Variants in LARGE1 observed in about 807,000 individuals in gnomAD.
LARGE1 encodes the protein LARGE xylosyl- and glucuronyltransferase 1.
A neutral mutation model predicts 87.6 loss-of-function variants in LARGE1; 43 were observed. That is an observed-to-expected ratio of 0.49 (90% confidence interval 0.38 to 0.63). LARGE1 has a LOEUF of 0.63. Among genes scored for constraint, LARGE1 ranks in the 30% least tolerant of loss-of-function variants. The pLI is 0.00. For synonymous variants in LARGE1, 434 were observed against 394.6 expected, an observed-to-expected ratio of 1.10 and a Z score of -1.18; for missense variants, 802 against 1,000.2, an observed-to-expected ratio of 0.80 and a Z score of 2.67.
chr22:33,555,586 A>G (rs2077651557), intron 6 of LARGE1, among the ~76,000 whole-genome samples: 1 of 152,112 alleles, frequency 6.6e-6, no homozygotes, highest in South Asian at 2.1e-4. Context: ...AGGTACAGGA[A>G]CATCAGAGCA....
chr22:33,678,077 T>C (rs772815340), intron 2 of LARGE1, among the ~76,000 whole-genome samples: 40 of 152,178 alleles, frequency 2.6e-4, no homozygotes, highest in Non-Finnish European at 4.9e-4. Context: ...AAAAACGCAT[T>C]TGTAAAATTT....
chr22:33,704,388 T>C (rs2082496812), intron 2 of LARGE1, among the ~76,000 whole-genome samples: 1 of 152,272 alleles, frequency 6.6e-6, no homozygotes, highest in East Asian at 1.9e-4. Context: ...AAGACCTCGT[T>C]CAAATGTCCC....
intron 11 of LARGE1, among the ~76,000 whole-genome samples, chr22:33,174,966 T>C (rs1922783889): frequency 6.6e-6 from 1 of 152,136 alleles, no homozygotes; most frequent in Admixed American, 6.5e-5. Flanking sequence ...GAGGGAATCC[T>C]CCCTAACTCA....
intron 10 of LARGE1, among the ~76,000 whole-genome samples, chr22:33,321,646 A>T (rs1936723717): frequency 6.6e-6 from 1 of 152,180 alleles, no homozygotes; most frequent in Admixed American, 6.5e-5. Context: ...GACAGTGGAA[A>T]TGTGTGTGAT....
intron 5 of LARGE1, among the ~76,000 whole-genome samples, chr22:33,574,981 G>A (rs544375762): frequency 6.0e-4 from 91 of 152,218 alleles, no homozygotes; most frequent in African/African-American, 2.0e-3. Flanking sequence ...AAGATTAACA[G>A]AAGGCAGCTG....
chr22:33,125,256 A>G, the LARGE1 span, among the ~76,000 whole-genome samples: 1 of 152,148 alleles, frequency 6.6e-6, no homozygotes, highest in African/African-American at 2.4e-5. Flanking sequence ...ATGTGGAGTT[A>G]CTGACACAGG....
chr22:33,577,483 T>C (rs1313387109), intron 5 of LARGE1, among the ~76,000 whole-genome samples: 1 of 152,228 alleles, frequency 6.6e-6, no homozygotes. Flanking sequence ...AACACACTTC[T>C]CTGTTGTCAA....
At chr22:33,536,621 C>T (rs2077051523) in intron 6 of LARGE1, among the ~76,000 whole-genome samples, 2 of 152,250 alleles carry the variant, frequency 1.3e-5, no homozygotes, top group South Asian at 4.1e-4. Flanking sequence ...TAAATTTGGC[C>T]TTATGATGCG....
chr22:33,920,523 G>A (rs1178826295), upstream of LARGE1: 3 of 145,150 alleles, frequency 2.1e-5, no homozygotes, highest in African/African-American at 7.4e-5. Flanking sequence ...GGCTGCAACC[G>A]GCCGCGGCGC....
intron 11 of LARGE1, among the ~76,000 whole-genome samples, chr22:33,258,397 G>A (rs1327196394): frequency 6.6e-6 from 1 of 152,144 alleles, no homozygotes; most frequent in Non-Finnish European, 1.5e-5. Flanking sequence ...GAGGTTGCTG[G>A]GTAAAGGAGC....
chr22:33,157,218 A>C, the LARGE1 span, among the ~76,000 whole-genome samples: 2 of 152,252 alleles, frequency 1.3e-5, no homozygotes, highest in African/African-American at 4.8e-5. Context: ...ATCATTATGA[A>C]GTAAGTAAGA....
At chr22:33,091,960 C>T in the LARGE1 span, among the ~76,000 whole-genome samples, 4 of 152,074 alleles carry the variant, frequency 2.6e-5, no homozygotes, top group Non-Finnish European at 4.4e-5. Flanking sequence ...AGTGCAGTGG[C>T]GCAGTCTTGG....
intron 11 of LARGE1, among the ~76,000 whole-genome samples, chr22:33,312,619 G>T (rs1156385644): frequency 6.6e-6 from 1 of 152,084 alleles, no homozygotes; most frequent in Admixed American, 6.6e-5. Context: ...TATTGACTCA[G>T]AATATTTTGC....
chr22:33,414,198 T>A (rs2066407864), intron 7 of LARGE1, among the ~76,000 whole-genome samples: 1 of 152,108 alleles, frequency 6.6e-6, no homozygotes, highest in South Asian at 2.1e-4. Flanking sequence ...CCAAGTGAAA[T>A]AAGCCATTCA....
chr22:33,748,285 T>A (rs948238845), intron 2 of LARGE1, among the ~76,000 whole-genome samples: 1 of 151,770 alleles, frequency 6.6e-6, no homozygotes, highest in Non-Finnish European at 1.5e-5. Context: ...GTGCCCGCCA[T>A]CACGCCTGCC....
At chr22:33,448,999 T>C (rs961546710) in intron 6 of LARGE1, among the ~76,000 whole-genome samples, 4 of 152,208 alleles carry the variant, frequency 2.6e-5, no homozygotes, top group African/African-American at 9.6e-5. Flanking sequence ...AATTATAATC[T>C]TATAGCACGT....
intron 11 of LARGE1, among the ~76,000 whole-genome samples, chr22:33,307,260 G>C (rs1935034714): frequency 6.6e-6 from 1 of 152,082 alleles, no homozygotes; most frequent in East Asian, 1.9e-4. Context: ...CCCTCTTACA[G>C]GCAAGGAAGC....
At chr22:33,201,766 A>C (rs1924407528) in intron 11 of LARGE1, among the ~76,000 whole-genome samples, 1 of 152,216 alleles carries the variant, frequency 6.6e-6, no homozygotes, top group Non-Finnish European at 1.5e-5. Context: ...ATCAGAACTT[A>C]AGCTTTTACC....
chr22:33,581,695 C>G lies in LARGE1; in HGVS notation c.616-16676G>C, dbSNP rs541656087. On this transcript the variant is annotated intron_variant, in intron 5 of 14. Coordinates refer to ENST00000397394, the MANE Select transcript of LARGE1 (RefSeq NM_133642.5). The stretch of plus-strand genomic sequence containing the variant: ...GGGGTGGTGGCACGTGCCTGTAATC[C>G]CAGCTACTCAGGAAGCTGAGGCAGG... 2.6e-5 allele frequency among the ~76,000 whole-genome samples: 4 copies of G among 151,764 alleles called. No homozygotes were observed. The South Asian group carries it at 8.4e-4, about 32-fold the overall frequency.
Sources: gnomAD v4.1 joint callset for allele counts (sites outside exome capture counted in the v4.1 genomes callset) on GRCh38, gnomAD v4.1.1 for gene constraint, MANE v1.5 for transcripts, NCBI Gene and HGNC (gene_info 2026-07-23, HGNC 2026-07-21) for gene names.